The following CD163L1 variants were observed in gnomAD, a reference collection of about 807,000 sequenced individuals.
CD163L1 encodes the protein CD163 molecule like 1.
CD163L1 carries 124 observed loss-of-function variants against 165.4 expected under a neutral mutation model. That is an observed-to-expected ratio of 0.75 (90% confidence interval 0.65 to 0.87). The LOEUF (loss-of-function observed/expected upper bound fraction) is 0.87. Ranked by LOEUF, CD163L1 falls within the 40% of genes least tolerant of loss-of-function variation. The pLI, the probability that CD163L1 is intolerant of heterozygous loss-of-function variation, is 0.00. For missense variants in CD163L1, 1,525 were observed against 1,799.9 expected (o/e 0.85, Z 2.76); for synonymous variants, 585 against 662.2 (o/e 0.88, Z 1.79).
chr12:7,376,098 C>A, intron 9 of CD163L1, 84 bp from the exon 10 acceptor site: 1 of 1,211,204 alleles, frequency 8.3e-7, no homozygotes, highest in Non-Finnish European at 1.1e-6. Context: ...AACCCCAGAG[C>A]AATTTTTCTC....
rs554397686 is a variant in CD163L1 at position 7,421,470 on chromosome 12, T to C, written c.766+10946A>G. On this transcript the variant is annotated intron_variant, in intron 4 of 19. Coordinates refer to ENST00000313599, the MANE Select transcript of CD163L1 (RefSeq NM_174941.6). ...ACATATATGTACATATATACATATA[T>C]ATACATATATGTACATATATACATA... 3.1e-4 allele frequency among the ~76,000 whole-genome samples: 39 copies of C among 124,778 alleles called. 1 individual carries two copies. The highest frequency in any genetic ancestry group is 4.6e-4 in the Non-Finnish European group (29 of 62,740). The allele number at this position is 124,778 out of a possible 152,430, so 81.9% of individuals were successfully genotyped here. A position where few individuals can be genotyped will look rare whatever the true frequency, so the allele number is the denominator to read the frequency against.
intron 6 of CD163L1, among the ~76,000 whole-genome samples, chr12:7,403,228 G>C (rs1947947996): frequency 6.6e-6 from 1 of 152,140 alleles, no homozygotes; most frequent in Non-Finnish European, 1.5e-5. Flanking sequence ...CAGAAAAGCT[G>C]TTAAGAAAAC....
chr12:7,387,299 A>G (rs1947540647), intron 8 of CD163L1, among the ~76,000 whole-genome samples: 1 of 152,236 alleles, frequency 6.6e-6, no homozygotes, highest in South Asian at 2.1e-4. Flanking sequence ...TATGATGAAA[A>G]TTACAAAACA....
chr12:7,439,510 C>T (rs1948784886), intron 2 of CD163L1: 1 of 1,581,744 alleles, frequency 6.3e-7, no homozygotes, highest in Non-Finnish European at 8.5e-7. Flanking sequence ...TTTCTCCTCT[C>T]TCTGCCTTAA....
In CD163L1 at chr12:7,400,043, T is replaced by C. The variant is rs1239553348; in HGVS notation, c.1409-1459A>G. On this transcript the variant is annotated intron_variant, in intron 6 of 19. Transcript: ENST00000313599. The surrounding 1 kb of genome is among the most constrained non-coding windows in gnomAD (Gnocchi z 4.1). ...ATGTGTATATAATAATCTTACATTC[T>C]ATTCAACCTAGTATGTGTGTGTGTG... Among the ~76,000 whole-genome samples, 1 of 152,228 alleles carries C rather than the reference T, an allele frequency of 6.6e-6. No individual in the cohort carries two copies. The highest frequency in any genetic ancestry group is 6.5e-5 in the Admixed American group (1 of 15,276).
intron 11 of CD163L1, 91 bp from the exon 12 acceptor site, chr12:7,375,014 G>T: frequency 1.6e-6 from 2 of 1,218,106 alleles, no homozygotes; most frequent in Non-Finnish European, 2.4e-6. Context: ...ATCTGCAATT[G>T]TGATAAGGAC....
intron 4 of CD163L1, among the ~76,000 whole-genome samples, chr12:7,348,988 G>A (rs751958458): frequency 6.6e-6 from 1 of 151,986 alleles, no homozygotes; most frequent in Non-Finnish European, 1.5e-5. Flanking sequence ...AGACTTAAGG[G>A]GAAAAATTAC....
the CD163L1 span, among the ~76,000 whole-genome samples, chr12:7,335,320 A>C: frequency 7.9e-5 from 12 of 152,040 alleles, no homozygotes; most frequent in African/African-American, 1.7e-4. Context: ...CAGAACAGAG[A>C]CCTCAGAAAT....
the CD163L1 span, among the ~76,000 whole-genome samples, chr12:7,331,452 C>T: frequency 2.6e-5 from 4 of 152,218 alleles, no homozygotes; most frequent in African/African-American, 7.2e-5. Flanking sequence ...TCCCAGCATG[C>T]AGCTTGAGAT....
the CD163L1 span, among the ~76,000 whole-genome samples, chr12:7,332,528 AG>A: frequency 6.6e-6 from 1 of 152,264 alleles, no homozygotes; most frequent in Non-Finnish European, 1.5e-5. Context: ...AAGGGCAGCC[AG>A]GGAGAAAGGT....
rs1197998489 is a variant in CD163L1 at position 7,372,700 on chromosome 12, A to G, written c.3730+620T>C. Reference sequence around the variant, plus strand: ...ATATACACATTTCATATACACAATCATAACTTTAAGTTTTTGTACAAAAGG... The same window carrying G: ...ATATACACATTTCATATACACAATCGTAACTTTAAGTTTTTGTACAAAAGG... On this transcript the variant is annotated intron_variant, in intron 14 of 19. Transcript: ENST00000313599. This position sits in a 1 kb window ranked among gnomAD's most constrained non-coding sequence, Gnocchi z 4.2. 6.6e-6 allele frequency among the ~76,000 whole-genome samples: 1 copy of G among 151,818 alleles called. No homozygotes were observed. The highest frequency in any genetic ancestry group is 1.5e-5 in the Non-Finnish European group (1 of 67,870).
chr12:7,388,517 C>G (rs931562727), intron 8 of CD163L1, among the ~76,000 whole-genome samples: 7 of 144,460 alleles, frequency 4.8e-5, no homozygotes, highest in African/African-American at 1.7e-4. Context: ...CCAAGGAGGG[C>G]AGATCACTTG....
chr12:7,375,534 G>A lies in CD163L1; in HGVS notation c.2748C>T (p.Asn916=), dbSNP rs183250040. 110 of 1,613,874 alleles carry A rather than the reference G, an allele frequency of 6.8e-5. No individual in the cohort carries two copies. The highest frequency in any genetic ancestry group is 1.6e-4 in the Middle Eastern group (1 of 6,062). The change falls in exon 11 of 20, where the codon AAC becomes AAT. Residue 916 remains asparagine, a synonymous_variant. Transcript: ENST00000313599. ...ACAGTGAGCCCCAGTGTCCAAGCAC[G>A]TTGATCTCCACTTGCCCGTCACACT... The part of the protein sequence containing the change: ...KSQCDGQVEI[N]VLGHWGSLCD...
At position 7,403,564 on chromosome 12, in the gene CD163L1, C is replaced by T. The variant is rs146684648; in HGVS notation, c.1379G>A (p.Arg460Gln). ...ACAAATTACTCCAGCATCTGATCTT[C>T]GGAAGCATGTTCGCTTTGCTTTTCC... ...YDGKAKRTCF[R>Q]RSDAGVICSD... The change falls in exon 6 of 20, where the codon CGA (arginine) becomes CAA (glutamine). Residue 460 changes from arginine (R) to glutamine (Q), a missense_variant. Arg to Gln is a conservative substitution (Grantham distance 43, BLOSUM62 1). Coordinates refer to ENST00000313599, the MANE Select transcript of CD163L1 (RefSeq NM_174941.6). 1,878 of 1,613,462 alleles carry T rather than the reference C, an allele frequency of 1.2e-3. 2 individuals carry two copies. The highest frequency in any genetic ancestry group is 1.5e-3 in the Non-Finnish European group (1,734 of 1,179,692).
intron 1 of CD163L1, among the ~76,000 whole-genome samples, chr12:7,441,907 C>A (rs1394097247): frequency 2.0e-5 from 3 of 152,204 alleles, no homozygotes; most frequent in Admixed American, 6.5e-5. Context: ...TCTTTTCAGT[C>A]ATGCTCAGTT....
At chr12:7,426,836 C>T (rs1948551776) in intron 4 of CD163L1, among the ~76,000 whole-genome samples, 1 of 152,088 alleles carries the variant, frequency 6.6e-6, no homozygotes, top group African/African-American at 2.4e-5. Context: ...TTAGGACACA[C>T]ATAGGCTGAA....
intron 4 of CD163L1, among the ~76,000 whole-genome samples, chr12:7,410,780 A>C (rs1948124029): frequency 6.6e-6 from 1 of 151,796 alleles, no homozygotes; most frequent in Admixed American, 6.6e-5. Flanking sequence ...CAGTGAGCTG[A>C]GATCACACCA....
Position 7,432,305 on chromosome 12 carries a change from G to A in CD163L1, c.766+111C>T, listed in dbSNP as rs763987217. 26 of 814,156 alleles carry A rather than the reference G, an allele frequency of 3.2e-5. No homozygotes were observed. The highest frequency in any genetic ancestry group is 2.7e-4 in the Middle Eastern group (1 of 3,698). The allele number at this position is 814,156 out of a possible 1,614,324, so 50.4% of individuals were successfully genotyped here. A position where few individuals can be genotyped will look rare whatever the true frequency, so the allele number is the denominator to read the frequency against. ...AGCAATTTCAGGGTAACAAAAATGT[G>A]TTATAACCAGAGAAAATTCTTCTCC... On this transcript the variant is annotated intron_variant, in intron 4 of 19. Transcript: ENST00000313599. This position sits in a 1 kb window ranked among gnomAD's most constrained non-coding sequence, Gnocchi z 4.2.
At chr12:7,404,415 C>T (rs1947974286) in intron 5 of CD163L1, among the ~76,000 whole-genome samples, 1 of 151,980 alleles carries the variant, frequency 6.6e-6, no homozygotes, top group African/African-American at 2.4e-5. Flanking sequence ...GCTTATTAAA[C>T]ATATTTGTCA....
Sources: gnomAD v4.1 joint callset for allele counts (sites outside exome capture counted in the v4.1 genomes callset) on GRCh38, gnomAD v4.1.1 for gene constraint, Gnocchi (gnomAD v3.1) non-coding constraint, MANE v1.5 for transcripts, NCBI Gene and HGNC (gene_info 2026-07-23, HGNC 2026-07-21) for gene names.